Variants in NECTIN3 observed in about 807,000 individuals in gnomAD.
The protein encoded by NECTIN3 is nectin-3.
NECTIN3 carries 8 observed loss-of-function variants against 49.4 expected under a neutral mutation model. That is an observed-to-expected ratio of 0.16 (90% CI 0.10 to 0.29). NECTIN3 has a LOEUF of 0.29. Among genes scored for constraint, NECTIN3 ranks in the 10% least tolerant of loss-of-function variants. The probability of loss-of-function intolerance (pLI) is 1.00; values close to 1 mark genes in which losing one functional copy is unlikely to be tolerated. For missense variants in NECTIN3, 581 were observed against 654.6 expected, an observed-to-expected ratio of 0.89 and a Z score of 1.23; for synonymous variants, 277 against 241.1, an observed-to-expected ratio of 1.15 and a Z score of -1.38.
rs765691576 is a variant in NECTIN3 at position 111,072,089 on chromosome 3, C to T, written c.72C>T (p.Leu24=). 3.8e-5 allele frequency: 59 copies of T among 1,549,466 alleles called. No individual in the cohort carries two copies. Among genetic ancestry groups the T allele is most frequent in the Middle Eastern group, 3.3e-4 (2 of 5,992 alleles). The part of the protein sequence containing the change: ...GGKAQLSSAS[L]LGAGLLLQPP... The stretch of plus-strand genomic sequence containing the variant: ...AAGCACAACTTTCCTCCGCTTCTCT[C>T]CTCGGAGCCGGGCTCCTGCTGCAGC... Residue 24 remains leucine, a synonymous_variant, in exon 1 of 6, where the codon CTC becomes CTT. Transcript: ENST00000485303.
At chr3:111,173,160 T>C (rs1469565202) in intron 7 of NECTIN3, among the ~76,000 whole-genome samples, 5 of 152,222 alleles carry the variant, frequency 3.3e-5, no homozygotes, top group Non-Finnish European at 7.3e-5. Flanking sequence ...CAAGATCATG[T>C]CACTCCCCTT....
chr3:111,126,379 C>G (rs2034163364), intron 5 of NECTIN3, 44 bp downstream of exon 5: 9 of 1,486,148 alleles, frequency 6.1e-6, no homozygotes, highest in Non-Finnish European at 8.3e-6. Flanking sequence ...TAAAATATTT[C>G]TGAATAATCA....
At position 111,112,423 on chromosome 3, in the gene NECTIN3, A is replaced by C. The variant is rs374456694; in HGVS notation, c.502+52A>C. On this transcript the variant is annotated intron_variant, in intron 2 of 5. Coordinates refer to ENST00000485303, the MANE Select transcript of NECTIN3 (RefSeq NM_015480.3). ...GGTGATAGTGGTGAAGATTATAATA[A>C]AAATATTTTTAAGAAATTAAAATGG... 155 of 1,098,496 alleles carry C rather than the reference A, an allele frequency of 1.4e-4. No homozygotes were observed. In the African/African-American group the frequency reaches 2.2e-3, roughly 16 times the overall value. 68.0% of individuals were successfully genotyped at this position (1,098,496 alleles called of 1,614,324 possible).
At chr3:111,143,585 A>C (rs1484271028) in intron 5 of NECTIN3, among the ~76,000 whole-genome samples, 1 of 152,024 alleles carries the variant, frequency 6.6e-6, no homozygotes, top group Admixed American at 6.6e-5. Flanking sequence ...CATGGTAAGT[A>C]GATGAAACAT....
chr3:111,149,514 C>T (rs1373956794), intron 7 of NECTIN3, among the ~76,000 whole-genome samples: 3 of 137,968 alleles, frequency 2.2e-5, no homozygotes, highest in Non-Finnish European at 3.1e-5. Context: ...TGTGTAGAAT[C>T]TCTTTTCTGG....
intron 1 of NECTIN3, among the ~76,000 whole-genome samples, chr3:111,095,558 C>G (rs764381165): frequency 1.3e-5 from 2 of 152,162 alleles, no homozygotes; most frequent in African/African-American, 2.4e-5. Flanking sequence ...GTTCCCCTGC[C>G]CCTTACTTTT....
At chr3:111,186,128 G>T (rs548536713) in intron 7 of NECTIN3, among the ~76,000 whole-genome samples, 1 of 152,204 alleles carries the variant, frequency 6.6e-6, no homozygotes, top group African/African-American at 2.4e-5. Flanking sequence ...GTGAGTGGCA[G>T]TGGGAAATTA....
At chr3:111,090,568 TTGTGTGTGTGTG>T (rs10596117) in intron 1 of NECTIN3, among the ~76,000 whole-genome samples, 15 of 148,566 alleles carry the variant, frequency 1.0e-4, no homozygotes, top group Admixed American at 2.0e-4. Context: ...GTTTGCTTGT[TTGTGTGTGTGTG>T]TGTGTGTGTG....
chr3:111,073,600 T>C (rs1047687455), intron 1 of NECTIN3: 15 of 152,244 alleles, frequency 9.9e-5, no homozygotes, highest in African/African-American at 3.6e-4. Flanking sequence ...GATGCCAGAG[T>C]CTAGATTGAA....
chr3:111,171,480 A>G (rs2035431798), intron 7 of NECTIN3, among the ~76,000 whole-genome samples: 1 of 152,180 alleles, frequency 6.6e-6, no homozygotes, highest in South Asian at 2.1e-4. Flanking sequence ...CTCATTCATC[A>G]GTTGTTGAGG....
chr3:111,140,129 A>G (rs1283863503), downstream of NECTIN3, among the ~76,000 whole-genome samples: 6 of 151,914 alleles, frequency 3.9e-5, no homozygotes, highest in Admixed American at 3.9e-4. Flanking sequence ...AAAAACAAAT[A>G]GATTCAAATG....
intron 2 of NECTIN3, among the ~76,000 whole-genome samples, chr3:111,114,260 C>G (rs1473500557): frequency 2.0e-5 from 3 of 152,062 alleles, no homozygotes; most frequent in African/African-American, 7.2e-5. Flanking sequence ...TTAACCTATG[C>G]TTTTATGGGT....
At chr3:111,102,584 T>C (rs1054842087) in intron 1 of NECTIN3, among the ~76,000 whole-genome samples, 2 of 152,262 alleles carry the variant, frequency 1.3e-5, no homozygotes, top group African/African-American at 4.8e-5. Flanking sequence ...TCAGTAACTT[T>C]AAGCATGGCT....
intron 7 of NECTIN3, among the ~76,000 whole-genome samples, chr3:111,162,869 A>G (rs1012103988): frequency 1.3e-5 from 2 of 152,198 alleles, no homozygotes; most frequent in African/African-American, 2.4e-5. Flanking sequence ...AGCTATTGCC[A>G]CATGTTTTAG....
intron 7 of NECTIN3, among the ~76,000 whole-genome samples, chr3:111,150,704 C>T (rs560731304): frequency 7.0e-4 from 106 of 151,522 alleles, no homozygotes; most frequent in African/African-American, 2.4e-3. Context: ...AATGTATTTG[C>T]GTGAAGCTTT....
downstream of NECTIN3, among the ~76,000 whole-genome samples, chr3:111,140,874 G>T (rs2034725976): frequency 6.6e-6 from 1 of 151,904 alleles, no homozygotes; most frequent in Non-Finnish European, 1.5e-5. Context: ...GCCAATCCAT[G>T]TATTATATAC....
chr3:111,095,207 C>T (rs1234861706), intron 1 of NECTIN3, among the ~76,000 whole-genome samples: 1 of 152,110 alleles, frequency 6.6e-6, no homozygotes, highest in Non-Finnish European at 1.5e-5. Context: ...ATACACAGAC[C>T]ACCTATATCT....
chr3:111,164,586 G>A (rs186700623), intron 7 of NECTIN3, among the ~76,000 whole-genome samples: 6 of 152,324 alleles, frequency 3.9e-5, no homozygotes, highest in Admixed American at 1.3e-4. Flanking sequence ...TGTTGGCAAG[G>A]TGTCCAAGGT....
chr3:111,155,954 T>C (rs899338212), intron 7 of NECTIN3, among the ~76,000 whole-genome samples: 1 of 152,196 alleles, frequency 6.6e-6, no homozygotes, highest in African/African-American at 2.4e-5. Context: ...AGGCTATTGA[T>C]ACCCTCCTTA....
Sources: allele counts gnomAD v4.1 joint callset (sites outside exome capture counted in the v4.1 genomes callset), GRCh38; gene constraint gnomAD v4.1.1; transcripts MANE v1.5; gene names NCBI Gene and HGNC (gene_info 2026-07-23, HGNC 2026-07-21).